Variants in NECAB2 observed in about 807,000 individuals in gnomAD.
The protein encoded by NECAB2 is N-terminal EF-hand calcium binding protein 2.
In NECAB2, 68 loss-of-function variants were observed where a neutral mutation model predicts 51.9. That is an observed-to-expected ratio of 1.31 (90% CI 1.08 to 1.60). NECAB2 has a LOEUF of 1.60. NECAB2 is among the 40% of genes most tolerant of loss of function. The pLI is 0.00. For synonymous variants in NECAB2, 329 were observed against 203.5 expected, an observed-to-expected ratio of 1.62 and a Z score of -5.25; for missense variants, 854 against 490.3, an observed-to-expected ratio of 1.74 and a Z score of -7.00.
upstream of NECAB2, among the ~76,000 whole-genome samples, chr16:83,967,301 C>T (rs1330878762): frequency 7.0e-6 from 1 of 143,720 alleles, no homozygotes; most frequent in East Asian, 2.3e-4. Flanking sequence ...GCTGGAACTC[C>T]GTGGTTGGGC....
At chr16:83,987,947 T>C (rs8051701) in intron 5 of NECAB2, among the ~76,000 whole-genome samples, 10,435 of 152,260 alleles carry the variant, frequency 0.069, 861 homozygotes, top group African/African-American at 0.2. Context: ...TAATGGCACG[T>C]CTTTGTTATA....
At chr16:84,002,230 C>A in intron 12 of NECAB2, 88 bp from the exon 13 acceptor site, 1 of 1,509,188 alleles carries the variant, frequency 6.6e-7, no homozygotes, top group Non-Finnish European at 9.2e-7. Flanking sequence ...AAAGCCATCC[C>A]CCGACCTGTC....
chr16:83,972,126 C>G, intron 1 of NECAB2, 25 bp from the exon 2 acceptor site: 1 of 1,612,998 alleles, frequency 6.2e-7, no homozygotes, highest in Non-Finnish European at 8.5e-7. Flanking sequence ...TGGCCCAGGG[C>G]TGACTCCGCC....
At chr16:83,992,384 GC>G (rs200728906) in intron 6 of NECAB2, among the ~76,000 whole-genome samples, 9 of 143,326 alleles carry the variant, frequency 6.3e-5, no homozygotes, top group Admixed American at 3.4e-4. Flanking sequence ...CCGTCCCCCC[GC>G]CCACCTCCAT....
At chr16:83,986,015 GTTTCTTTTTTTCTTT>G (rs1444102451) in intron 5 of NECAB2, among the ~76,000 whole-genome samples, 1 of 151,978 alleles carries the variant, frequency 6.6e-6, no homozygotes, top group Non-Finnish European at 1.5e-5. Context: ...ATTTTTTCTT[GTTTCTTTTTTTCTTT>G]TTTGATACGG....
chr16:83,972,786 G>A (rs1038449771), intron 2 of NECAB2, among the ~76,000 whole-genome samples: 7 of 152,170 alleles, frequency 4.6e-5, no homozygotes, highest in Non-Finnish European at 1.0e-4. Flanking sequence ...AATTCATAGC[G>A]CTCCACTTCT....
In NECAB2 at chr16:83,990,577, G is replaced by C; in HGVS notation, c.543G>C (p.Leu181=). ...CGGCCAATCAGATCCAGTCGCTGCT[G>C]AGCTCAGTGGAGAGTGCGGTGGAGG... ...KETANQIQSL[L]SSVESAVEAI... Residue 181 remains leucine, a synonymous_variant, in exon 6 of 13, where the codon CTG becomes CTC. Coordinates refer to ENST00000305202, the MANE Select transcript of NECAB2 (RefSeq NM_019065.3). 1 of 1,614,164 alleles carries C rather than the reference G, an allele frequency of 6.2e-7. No homozygotes were observed. The highest frequency in any genetic ancestry group is 8.5e-7 in the Non-Finnish European group (1 of 1,180,042).
At chr16:84,002,093 C>T (rs2084848368) in intron 12 of NECAB2, among the ~76,000 whole-genome samples, 177 bp downstream of exon 12, 1 of 152,228 alleles carries the variant, frequency 6.6e-6, no homozygotes, top group African/African-American at 2.4e-5. Flanking sequence ...ACAGGTATGC[C>T]TGCCAGAGCT....
chr16:83,997,997 T>G (rs963751810), intron 9 of NECAB2, among the ~76,000 whole-genome samples: 19 of 152,304 alleles, frequency 1.2e-4, no homozygotes, highest in Middle Eastern at 3.4e-3. Context: ...TCCCCATTTT[T>G]GGGGGCTACT....
chr16:84,000,687 G>A (rs771495587), intron 10 of NECAB2, 37 bp from the exon 11 acceptor site: 2 of 1,603,980 alleles, frequency 1.2e-6, no homozygotes, highest in Non-Finnish European at 8.5e-7. Context: ...CCTTGGTTGA[G>A]CTCCAGCCTC....
At chr16:83,974,105 C>A (rs542836922) in intron 2 of NECAB2, among the ~76,000 whole-genome samples, 6 of 152,068 alleles carry the variant, frequency 3.9e-5, no homozygotes, top group Non-Finnish European at 8.8e-5. Flanking sequence ...CGAGCCTGTT[C>A]CTTCTCCTTG....
At chr16:83,998,448 G>T (rs778583232) in intron 10 of NECAB2, 131 bp downstream of exon 10, 13 of 826,302 alleles carry the variant, frequency 1.6e-5, no homozygotes, top group African/African-American at 3.4e-5. Flanking sequence ...AGCTGGATGC[G>T]TAAGAAGTGG....
intron 5 of NECAB2, among the ~76,000 whole-genome samples, chr16:83,983,994 TGG>T (rs2084520074): frequency 7.4e-6 from 1 of 135,680 alleles, no homozygotes; most frequent in Non-Finnish European, 1.5e-5. Context: ...ATATATATGG[TGG>T]TTTTTTTTTT....
intron 1 of NECAB2, among the ~76,000 whole-genome samples, chr16:83,970,862 G>C (rs2151083673): frequency 6.6e-6 from 1 of 152,316 alleles, no homozygotes; most frequent in South Asian, 2.1e-4. Context: ...GGAGGCCGAG[G>C]CGGGTGGATC....
intron 1 of NECAB2, among the ~76,000 whole-genome samples, chr16:83,970,156 G>A (rs555805783): frequency 2.2e-4 from 34 of 152,330 alleles, no homozygotes; most frequent in African/African-American, 7.7e-4. Context: ...AGTCAGGGTG[G>A]GGGCTCTGAG....
At chr16:83,966,579 G>A (rs1274724805), upstream of NECAB2, among the ~76,000 whole-genome samples, 2 of 152,028 alleles carry the variant, frequency 1.3e-5, no homozygotes, top group Non-Finnish European at 1.5e-5. Flanking sequence ...ATGTCCAGGA[G>A]GGCGCTGCAG....
At chr16:83,970,087 ACTGAAAGTC>A (rs1259904388) in intron 1 of NECAB2, among the ~76,000 whole-genome samples, 1 of 152,168 alleles carries the variant, frequency 6.6e-6, no homozygotes, top group Non-Finnish European at 1.5e-5. Flanking sequence ...CAGAGCTCCC[ACTGAAAGTC>A]CTGGGCAGAG....
intron 10 of NECAB2, among the ~76,000 whole-genome samples, chr16:83,999,807 G>T (rs1279690094): frequency 1.3e-5 from 2 of 152,146 alleles, no homozygotes; most frequent in Admixed American, 6.5e-5. Context: ...TGCAGTGGGG[G>T]TGTTGCAAGG....
At chr16:83,989,580 G>A (rs2084596096) in intron 5 of NECAB2, among the ~76,000 whole-genome samples, 1 of 152,218 alleles carries the variant, frequency 6.6e-6, no homozygotes, top group Non-Finnish European at 1.5e-5. Context: ...GGTCTTGGCA[G>A]AGGAGGCCAG....
Sources: allele counts gnomAD v4.1 joint callset (sites outside exome capture counted in the v4.1 genomes callset), GRCh38; gene constraint gnomAD v4.1.1; transcripts MANE v1.5; gene names NCBI Gene and HGNC (gene_info 2026-07-23, HGNC 2026-07-21).